Variants in SLC22A24 observed in about 807,000 individuals in gnomAD.
SLC22A24 encodes the protein solute carrier family 22 member 24, also known as steroid transmembrane transporter SLC22A24.
A neutral mutation model predicts 49.8 loss-of-function variants in SLC22A24; 53 were observed. The ratio of observed to expected loss-of-function variants is 1.06; its 90% CI spans 0.85 to 1.34. The LOEUF is 1.34. Ranked by LOEUF, SLC22A24 falls within the 40% of genes most tolerant of loss-of-function variation. The probability of loss-of-function intolerance (pLI) is 0.00; values close to 1 mark genes in which losing one functional copy is unlikely to be tolerated. For synonymous variants in SLC22A24, 302 were observed against 256.4 expected, an observed-to-expected ratio of 1.18 and a Z score of -1.70; for missense variants, 786 against 675.9, an observed-to-expected ratio of 1.16 and a Z score of -1.81.
At chr11:63,128,621 T>C (rs1341700242) in intron 2 of SLC22A24, among the ~76,000 whole-genome samples, 2 of 152,158 alleles carry the variant, frequency 1.3e-5, no homozygotes, top group Non-Finnish European at 2.9e-5. Flanking sequence ...TTAGTGAAAG[T>C]ACTAAAAGTC....
intron 4 of SLC22A24, among the ~76,000 whole-genome samples, chr11:63,108,442 C>T (rs900152288): frequency 6.6e-6 from 1 of 152,030 alleles, no homozygotes; most frequent in Non-Finnish European, 1.5e-5. Flanking sequence ...TGTTGCTGGC[C>T]ACATGAAATG....
At chr11:63,097,310 A>G (rs896450302) in intron 5 of SLC22A24, among the ~76,000 whole-genome samples, 4 of 152,256 alleles carry the variant, frequency 2.6e-5, no homozygotes, top group Non-Finnish European at 4.4e-5. Context: ...TATGCAGCCA[A>G]CAAACATGAA....
At chr11:63,108,137 G>A (rs542685738) in intron 4 of SLC22A24, among the ~76,000 whole-genome samples, 13 of 152,134 alleles carry the variant, frequency 8.5e-5, no homozygotes, top group East Asian at 7.7e-4. Context: ...AGAGTTTTTC[G>A]CATGCAGGGC....
intron 2 of SLC22A24, among the ~76,000 whole-genome samples, chr11:63,119,950 C>A (rs1293366932): frequency 6.6e-6 from 1 of 151,670 alleles, no homozygotes; most frequent in Non-Finnish European, 1.5e-5. Flanking sequence ...TGTCCTTCGC[C>A]CACTTTTTGA....
chr11:63,080,896 G>A (rs1195117154), intron 9 of SLC22A24, 24 bp downstream of exon 9: 8 of 1,542,744 alleles, frequency 5.2e-6, no homozygotes, highest in Middle Eastern at 2.0e-4. Flanking sequence ...CCCCACTCAA[G>A]TGACAGCTAG....
chr11:63,137,515 C>G (rs1445963939), intron 1 of SLC22A24, among the ~76,000 whole-genome samples: 1 of 152,210 alleles, frequency 6.6e-6, no homozygotes, highest in Non-Finnish European at 1.5e-5. Context: ...TTGTGAATTA[C>G]ATTTGCAGGT....
At chr11:63,131,356 C>T (rs970007106) in intron 2 of SLC22A24, among the ~76,000 whole-genome samples, 3 of 152,114 alleles carry the variant, frequency 2.0e-5, no homozygotes, top group Non-Finnish European at 4.4e-5. Context: ...TTAATTGAGG[C>T]AGTGTCTTCA....
chr11:63,129,958 A>G (rs2087321682), intron 2 of SLC22A24, among the ~76,000 whole-genome samples: 1 of 152,068 alleles, frequency 6.6e-6, no homozygotes, highest in African/African-American at 2.4e-5. Context: ...CTAACTGAAC[A>G]CCCTTTATTT....
chr11:63,133,913 G>A (rs1158987500), intron 2 of SLC22A24, among the ~76,000 whole-genome samples: 1 of 151,952 alleles, frequency 6.6e-6, no homozygotes, highest in Non-Finnish European at 1.5e-5. Context: ...CCAAAGTGTT[G>A]GTATTATGGG....
intron 5 of SLC22A24, among the ~76,000 whole-genome samples, chr11:63,101,926 G>A (rs1007548599): frequency 2.0e-5 from 3 of 152,072 alleles, no homozygotes; most frequent in Non-Finnish European, 4.4e-5. Context: ...TAGAAGGATG[G>A]TTAGCAGAGA....
At chr11:63,093,164 G>A (rs909368035) in intron 6 of SLC22A24, among the ~76,000 whole-genome samples, 2 of 152,160 alleles carry the variant, frequency 1.3e-5, no homozygotes, top group African/African-American at 4.8e-5. Flanking sequence ...AGTTAGAATG[G>A]TACTCATTAA....
intron 4 of SLC22A24, among the ~76,000 whole-genome samples, chr11:63,113,478 G>A (rs1041026658): frequency 1.3e-5 from 2 of 151,860 alleles, no homozygotes; most frequent in African/African-American, 4.8e-5. Flanking sequence ...GAATTTGCTT[G>A]TCTGTAAAGG....
intron 5 of SLC22A24, 56 bp from the exon 6 acceptor site, chr11:63,096,162 A>G (rs2087053802): frequency 8.6e-7 from 1 of 1,163,476 alleles, no homozygotes; most frequent in African/African-American, 1.5e-5. Flanking sequence ...TGTGTCAGGC[A>G]TAGTGGTAAG....
At chr11:63,117,907 G>A (rs1028875642) in intron 4 of SLC22A24, among the ~76,000 whole-genome samples, 7 of 152,152 alleles carry the variant, frequency 4.6e-5, no homozygotes, top group African/African-American at 1.7e-4. Context: ...CACTGTTCAA[G>A]GGTCAACTGT....
In SLC22A24 at chr11:63,087,642, A is replaced by G. The variant is rs2086995530; in HGVS notation, c.1071-4185T>C. Among the ~76,000 whole-genome samples the G allele has an allele frequency of 2.6e-5, 4 of 152,046 alleles. No homozygotes were observed. The South Asian group carries it at 8.3e-4, about 32-fold the overall frequency. ...CAGGTGGTCTCGCTCAGTGAGTCCC[A>G]CTCCCATGGAGCCCAGCAAGCTAAG... is the stretch of plus-strand genomic sequence containing the variant. On this transcript the variant is annotated intron_variant, in intron 6 of 9. Transcript: ENST00000612278.
rs1009603464 is a variant in SLC22A24 at position 63,109,656 on chromosome 11, T to G, written c.831-5358A>C. Among the ~76,000 whole-genome samples, 8 of 152,012 alleles carry G rather than the reference T, an allele frequency of 5.3e-5. No individual in the cohort carries two copies. In the East Asian group the frequency reaches 7.7e-4, roughly 15 times the overall value. ...TGCATAAATGTCTTCTTTTGAGAAG[T>G]GTCTGTTCATGTCCTTTGCCCACTT... On this transcript the variant is annotated intron_variant, in intron 4 of 9. Transcript: ENST00000612278.
At chr11:63,108,850 T>A (rs987190698) in intron 4 of SLC22A24, among the ~76,000 whole-genome samples, 16 of 152,016 alleles carry the variant, frequency 1.1e-4, no homozygotes, top group Non-Finnish European at 1.2e-4. Flanking sequence ...TTTCTTTTTT[T>A]TTATTATTAT....
At chr11:63,136,529 C>T (rs2087376134) in intron 1 of SLC22A24, among the ~76,000 whole-genome samples, 1 of 152,252 alleles carries the variant, frequency 6.6e-6, no homozygotes, top group Non-Finnish European at 1.5e-5. Flanking sequence ...CTCTTGCCAA[C>T]TGACTCCCAC....
At chr11:63,108,417 G>A (rs140757513) in intron 4 of SLC22A24, among the ~76,000 whole-genome samples, 1 of 152,096 alleles carries the variant, frequency 6.6e-6, no homozygotes, top group Non-Finnish European at 1.5e-5. Context: ...TCTCTGCCTG[G>A]CATTGGTATC....
Sources: allele counts gnomAD v4.1 joint callset (sites outside exome capture counted in the v4.1 genomes callset), GRCh38; gene constraint gnomAD v4.1.1; transcripts MANE v1.5; gene names NCBI Gene and HGNC (gene_info 2026-07-23, HGNC 2026-07-21).